ABLIM2: variants seen among roughly 807,000 people sequenced by gnomAD.
ABLIM2 encodes the protein actin-binding LIM protein 2.
Under a neutral mutation model 97.7 loss-of-function variants are expected in ABLIM2, and 53 were observed. The ratio of observed to expected loss-of-function variants is 0.54; its 90% CI spans 0.44 to 0.68. The LOEUF (loss-of-function observed/expected upper bound fraction) is 0.68. Ranked by LOEUF, ABLIM2 falls within the 30% of genes least tolerant of loss-of-function variation. ABLIM2 has a pLI of 0.00. For synonymous variants in ABLIM2, 361 were observed against 345.8 expected, an observed-to-expected ratio of 1.04 and a Z score of -0.49; for missense variants, 835 against 867.2, an observed-to-expected ratio of 0.96 and a Z score of 0.47.
chr4:8,114,204 T>A (rs1344959703), intron 1 of ABLIM2, among the ~76,000 whole-genome samples: 1 of 152,186 alleles, frequency 6.6e-6, no homozygotes, highest in Non-Finnish European at 1.5e-5. Context: ...CCAGAGCTGA[T>A]GCTGGCCCTG....
rs553980264 is a variant in ABLIM2 at position 8,017,187 on chromosome 4, C to T, written c.1423+2431G>A. Among the ~76,000 whole-genome samples, 58 of 152,320 alleles carry T rather than the reference C, an allele frequency of 3.8e-4. 1 individual carries two copies. The highest frequency in any genetic ancestry group is 1.4e-3 in the African/African-American group (57 of 41,570). On this transcript the variant is annotated intron_variant, in intron 14 of 20. Coordinates refer to ENST00000447017, the MANE Select transcript of ABLIM2 (RefSeq NM_001130083.2). ...CGAGGCCTCCTGCGCCGCCTCCTCC[C>T]AGGCCCTCATACAACTAGCCCTGCT...
intron 14 of ABLIM2, among the ~76,000 whole-genome samples, chr4:8,012,396 C>T (rs1005992340): frequency 6.6e-6 from 1 of 150,440 alleles, no homozygotes; most frequent in African/African-American, 2.5e-5. Flanking sequence ...CCCACCTATA[C>T]ATCCATCTGT....
rs150022230 is a variant in ABLIM2, at chr4:8,061,889, G to T, written c.676-835C>A. On this transcript the variant is annotated intron_variant, in intron 6 of 20. Transcript: ENST00000447017. This position sits in a 1 kb window ranked among gnomAD's most constrained non-coding sequence, Gnocchi z 4.5. ...GCTGAAATGTCATTTTGAGCATCCC[G>T]TTTTCCCTGTCCTGTGCCTTCCCTA... Among the ~76,000 whole-genome samples, 7 of 152,130 alleles carry T rather than the reference G, an allele frequency of 4.6e-5. No homozygotes were observed. The highest frequency in any genetic ancestry group is 8.8e-5 in the Non-Finnish European group (6 of 68,026).
At chr4:7,979,552 C>T (rs1459030385) in intron 20 of ABLIM2, among the ~76,000 whole-genome samples, 2 of 152,250 alleles carry the variant, frequency 1.3e-5, no homozygotes, top group East Asian at 3.8e-4. Flanking sequence ...ACCTAAGCAG[C>T]TGTCACCTTT....
At chr4:8,014,760 A>T (rs1362161069) in intron 14 of ABLIM2, among the ~76,000 whole-genome samples, 2 of 152,162 alleles carry the variant, frequency 1.3e-5, no homozygotes, top group African/African-American at 4.8e-5. Context: ...TCCTCTCTTG[A>T]GTCAGAATAA....
At chr4:8,104,707 C>T (rs569855656) in intron 2 of ABLIM2, among the ~76,000 whole-genome samples, 8 of 152,284 alleles carry the variant, frequency 5.3e-5, no homozygotes, top group Non-Finnish European at 1.0e-4. Flanking sequence ...CCTAAGTCAC[C>T]GACCCCCTGC....
chr4:7,975,773 A>G lies in ABLIM2; in HGVS notation c.1824+7491T>C, dbSNP rs145189587. On this transcript the variant is annotated intron_variant, in intron 20 of 20. Transcript: ENST00000447017. ...ACATCTCTGATGTGTGCGTCGCTAT[A>G]GTAACGGTTGCTTAAAGTTGTGTTT... Among the ~76,000 whole-genome samples the G allele has an allele frequency of 7.6e-3, 1,153 of 152,304 alleles. 4 individuals are homozygous for G. Among genetic ancestry groups the G allele is most frequent in the Middle Eastern group, 0.02 (6 of 294 alleles).
At chr4:8,070,555 C>T (rs978448294) in intron 6 of ABLIM2, among the ~76,000 whole-genome samples, 12 of 152,128 alleles carry the variant, frequency 7.9e-5, no homozygotes, top group African/African-American at 2.9e-4. Flanking sequence ...TGCCCCAAGA[C>T]AGACAGGAGG....
At chr4:8,013,827 C>T (rs1250123951) in intron 14 of ABLIM2, among the ~76,000 whole-genome samples, 1 of 152,244 alleles carries the variant, frequency 6.6e-6, no homozygotes, top group Admixed American at 6.5e-5. Flanking sequence ...AGTCTCTGCA[C>T]TCCCTTCAGT....
rs941339217 is a variant in ABLIM2 at position 8,140,511 on chromosome 4, C to T, written c.10+18169G>A. Among the ~76,000 whole-genome samples, 31 of 151,946 alleles carry T rather than the reference C, an allele frequency of 2.0e-4. No individual in the cohort carries two copies. The highest frequency in any genetic ancestry group is 1.0e-3 in the Admixed American group (16 of 15,250). On this transcript the variant is annotated intron_variant, in intron 1 of 20. Transcript: ENST00000447017. The surrounding 1 kb of genome is among the most constrained non-coding windows in gnomAD (Gnocchi z 5.9). ...GCATGGGGGAAAGGGGGCAGTGACA[C>T]GGGGGCCTTGCCTGCATGTGGGAGC...
At chr4:8,029,411 G>A (rs1050101545) in intron 11 of ABLIM2, among the ~76,000 whole-genome samples, 3 of 152,138 alleles carry the variant, frequency 2.0e-5, no homozygotes, top group African/African-American at 7.2e-5. Flanking sequence ...GGAGGGCTCC[G>A]CTAACCAGCA....
At chr4:8,048,718 C>T (rs1326674039) in intron 8 of ABLIM2, among the ~76,000 whole-genome samples, 1 of 152,208 alleles carries the variant, frequency 6.6e-6, no homozygotes, top group East Asian at 1.9e-4. Context: ...GACTCCCACC[C>T]ACAGTAGCCA....
chr4:8,123,073 G>A lies in ABLIM2; in HGVS notation c.11-16436C>T, dbSNP rs1025392135. Among the ~76,000 whole-genome samples the A allele has an allele frequency of 1.4e-4, 22 of 152,162 alleles. No homozygotes were observed. The highest frequency in any genetic ancestry group is 3.9e-4 in the African/African-American group (16 of 41,436). ...CCTGGCATGAAGCAGTCCCCTGTGC[G>A]TGGTTAATGCCCTCAAAGCCCAGCA... On this transcript the variant is annotated intron_variant, in intron 1 of 20. Coordinates refer to ENST00000447017, the MANE Select transcript of ABLIM2 (RefSeq NM_001130083.2). This position sits in a 1 kb window ranked among gnomAD's most constrained non-coding sequence, Gnocchi z 6.2.
At chr4:8,084,189 C>T (rs4303963) in intron 4 of ABLIM2, among the ~76,000 whole-genome samples, 12 of 152,324 alleles carry the variant, frequency 7.9e-5, no homozygotes, top group Admixed American at 7.2e-4. Context: ...GAAGAAAAGC[C>T]GCTGGAAAAG....
chr4:8,121,679 TG>T (rs1845535968), intron 1 of ABLIM2, among the ~76,000 whole-genome samples: 1 of 152,210 alleles, frequency 6.6e-6, no homozygotes, highest in African/African-American at 2.4e-5. Context: ...GTGGCCACGC[TG>T]GTCCAACAGG....
rs1291462054 is a variant in ABLIM2 at position 8,120,634 on chromosome 4, G to C, written c.11-13997C>G. On this transcript the variant is annotated intron_variant, in intron 1 of 20. Transcript: ENST00000447017. The surrounding 1 kb of genome is among the most constrained non-coding windows in gnomAD (Gnocchi z 5.6). ...ACTGTGGGAGGATGCACATCTGCCA[G>C]TCCAGCCCCCATCTGTGTGCTCTGT... Among the ~76,000 whole-genome samples, 1 of 152,204 alleles carries C rather than the reference G, an allele frequency of 6.6e-6. No individual in the cohort carries two copies. Among genetic ancestry groups the C allele is most frequent in the African/African-American group, 2.4e-5 (1 of 41,450 alleles).
chr4:8,003,905 G>A lies in ABLIM2; in HGVS notation c.1618+4154C>T, dbSNP rs1759155756. On this transcript the variant is annotated intron_variant, in intron 16 of 20. Transcript: ENST00000447017. This position sits in a 1 kb window ranked among gnomAD's most constrained non-coding sequence, Gnocchi z 4.2. ...TGATGTCTGCATATTCCATACCTAGGGGGTCTCACGTCTCTAAGCCTGAGG... is the reference window on the plus strand; with the variant it reads ...TGATGTCTGCATATTCCATACCTAGAGGGTCTCACGTCTCTAAGCCTGAGG... 6.6e-6 allele frequency among the ~76,000 whole-genome samples: 1 copy of A among 152,036 alleles called. No individual in the cohort carries two copies. The highest frequency in any genetic ancestry group is 1.5e-5 in the Non-Finnish European group (1 of 68,002).
intron 20 of ABLIM2, among the ~76,000 whole-genome samples, chr4:7,979,581 T>A (rs566077621): frequency 1.3e-5 from 2 of 152,354 alleles, no homozygotes; most frequent in South Asian, 4.1e-4. Context: ...GATTACAGAT[T>A]AGTCTTTTTC....
At chr4:8,029,902 A>G (rs748710062) in intron 10 of ABLIM2, 126 bp from the exon 11 acceptor site, 141 of 1,305,412 alleles carry the variant, frequency 1.1e-4, no homozygotes, top group Non-Finnish European at 1.4e-4. Flanking sequence ...ACATGGCCCC[A>G]TGTGGGAATC....
Sources: allele counts gnomAD v4.1 joint callset (sites outside exome capture counted in the v4.1 genomes callset), GRCh38; gene constraint gnomAD v4.1.1; non-coding constraint Gnocchi (gnomAD v3.1); transcripts MANE v1.5; gene names NCBI Gene and HGNC (gene_info 2026-07-23, HGNC 2026-07-21).